Variants in KAZN observed in about 807,000 individuals in gnomAD.
KAZN encodes kazrin, periplakin interacting protein, also known as kazrin.
KAZN carries 40 observed loss-of-function variants against 87.4 expected under a neutral mutation model. The ratio of observed to expected loss-of-function variants is 0.46; its 90% confidence interval spans 0.36 to 0.60. The LOEUF (loss-of-function observed/expected upper bound fraction) is 0.60, where lower values mean the gene tolerates loss of function less well. Ranked by LOEUF, KAZN falls within the 20% of genes least tolerant of loss-of-function variation. KAZN has a pLI of 0.00. For synonymous variants in KAZN, 466 were observed against 458.3 expected (o/e 1.02, Z -0.22); for missense variants, 898 against 1,073.9 (o/e 0.84, Z 2.29).
chr1:14,236,870 G>A (rs1021369040), intron 2 of KAZN, among the ~76,000 whole-genome samples: 2 of 152,094 alleles, frequency 1.3e-5, no homozygotes, highest in Admixed American at 6.5e-5. Context: ...GCTTCCATGA[G>A]CCATGATCAC....
intron 2 of KAZN, among the ~76,000 whole-genome samples, chr1:14,444,830 C>A (rs1666891979): frequency 6.6e-6 from 1 of 152,128 alleles, no homozygotes; most frequent in Non-Finnish European, 1.5e-5. Context: ...ACCGCACTAG[C>A]CTCATATCTA....
chr1:15,094,920 G>C lies in KAZN; in HGVS notation c.1534G>C (p.Glu512Gln). Residue 512 changes from glutamate to glutamine, a missense_variant, in exon 10 of 15, where the codon GAG becomes CAG. Physicochemically the swap from Glu to Gln is conservative, Grantham distance 29. Around this residue, in one of 3 missense-constraint regions of KAZN, gnomAD observed 521 missense variants for 689.4 expected, o/e 0.76. Coordinates refer to ENST00000376030, the MANE Select transcript of KAZN (RefSeq NM_201628.3). The surrounding 1 kb of genome is among the most constrained non-coding windows in gnomAD (Gnocchi z 4.5). ...RLAIEDYRDA[E>Q]AGRSLSKAAE... ...GGCCATCGAGGACTACCGTGATGCC[G>C]AGGCAGGCCGCAGGTGAGCCCACCA... 6.5e-7 allele frequency: 1 copy of C among 1,549,604 alleles called. No homozygotes were observed. The highest frequency in any genetic ancestry group is 8.7e-7 in the Non-Finnish European group (1 of 1,146,064).
intron 2 of KAZN, among the ~76,000 whole-genome samples, chr1:14,266,792 G>A (rs1020457049): frequency 4.6e-5 from 7 of 152,192 alleles, no homozygotes; most frequent in Admixed American, 1.3e-4. Flanking sequence ...GGAAACCGGA[G>A]GATGTGGAGA....
intron 1 of KAZN, among the ~76,000 whole-genome samples, chr1:13,925,118 C>T (rs1487833829): frequency 1.3e-5 from 2 of 152,184 alleles, no homozygotes; most frequent in Non-Finnish European, 2.9e-5. Context: ...CACTCATCTG[C>T]TTTCTGTTTC....
Position 14,333,123 on chromosome 1 carries a change from G to A in KAZN, c.249+152531G>A, listed in dbSNP as rs560523588. Among the ~76,000 whole-genome samples the A allele has an allele frequency of 3.9e-5, 6 of 152,236 alleles. No homozygotes were observed. The South Asian group carries it at 1.2e-3, about 32-fold the overall frequency. Reference sequence around the variant, plus strand: ...CATTGTTCAGCTCCCACTTATAAGTGAGAACATACAGTGTTTGGTTTTCTG... The same window carrying A: ...CATTGTTCAGCTCCCACTTATAAGTAAGAACATACAGTGTTTGGTTTTCTG... On this transcript the variant is annotated intron_variant, in intron 2 of 16. Transcript: ENST00000636203.
At chr1:14,243,902 G>A (rs1236144710) in intron 2 of KAZN, among the ~76,000 whole-genome samples, 2 of 152,120 alleles carry the variant, frequency 1.3e-5, no homozygotes, top group Non-Finnish European at 2.9e-5. Context: ...GGCCAGCGTA[G>A]TTTACCCATC....
At chr1:14,228,696 T>C (rs894891317) in intron 2 of KAZN, among the ~76,000 whole-genome samples, 3 of 152,108 alleles carry the variant, frequency 2.0e-5, no homozygotes, top group African/African-American at 7.2e-5. Flanking sequence ...TTGGGAAGGG[T>C]GGAGAATAAA....
chr1:14,941,480 T>C (rs138055636), intron 1 of KAZN, among the ~76,000 whole-genome samples: 113 of 150,356 alleles, frequency 7.5e-4, no homozygotes, highest in Middle Eastern at 3.5e-3. Context: ...AGGTTGAATT[T>C]CTCTGCCTGG....
At chr1:13,994,709 A>G (rs1639430204) in intron 1 of KAZN, among the ~76,000 whole-genome samples, 1 of 152,206 alleles carries the variant, frequency 6.6e-6, no homozygotes, top group South Asian at 2.1e-4. Context: ...GGCAGTGTCC[A>G]GGGAAGGTTT....
At chr1:13,982,990 T>A (rs1638815425) in intron 1 of KAZN, among the ~76,000 whole-genome samples, 1 of 146,940 alleles carries the variant, frequency 6.8e-6, no homozygotes, top group Admixed American at 6.7e-5. Context: ...GATTGGTGGG[T>A]TTACAAACCT....
intron 2 of KAZN, among the ~76,000 whole-genome samples, chr1:14,377,900 C>A (rs1466969377): frequency 1.3e-5 from 2 of 152,166 alleles, no homozygotes; most frequent in East Asian, 3.9e-4. Context: ...CGTCTCTTCC[C>A]AAATGGAAAA....
intron 1 of KAZN, among the ~76,000 whole-genome samples, chr1:14,882,748 A>T (rs949418053): frequency 1.3e-5 from 2 of 152,066 alleles, no homozygotes. Flanking sequence ...TTAAAAGTTC[A>T]TTGGCATTTA....
At chr1:14,470,214 G>GAAAAACA (rs1668379969) in intron 2 of KAZN, among the ~76,000 whole-genome samples, 1 of 152,158 alleles carries the variant, frequency 6.6e-6, no homozygotes, top group African/African-American at 2.4e-5. Flanking sequence ...ATGAAAAACA[G>GAAAAACA]GAAATATAGA....
chr1:14,192,877 T>G (rs1156778144), intron 2 of KAZN, among the ~76,000 whole-genome samples: 1 of 152,184 alleles, frequency 6.6e-6, no homozygotes, highest in Admixed American at 6.5e-5. Context: ...ATTTGGACAT[T>G]GGGTCTTTAC....
At chr1:14,054,520 AT>A (rs1390517635) in intron 1 of KAZN, among the ~76,000 whole-genome samples, 1 of 152,218 alleles carries the variant, frequency 6.6e-6, no homozygotes, top group Non-Finnish European at 1.5e-5. Flanking sequence ...ATCTCAGTAA[AT>A]ATTTACTAAG....
chr1:15,099,483 C>T lies in KAZN; in HGVS notation c.1548-2060C>T, dbSNP rs528638711. ...AAATTCAGAGAAAAGGGAGATTTGA[C>T]GCCCAAGGGATGAGGAGGGGTGAGC... On this transcript the variant is annotated intron_variant, in intron 10 of 14. Transcript: ENST00000376030. The surrounding 1 kb of genome is among the most constrained non-coding windows in gnomAD (Gnocchi z 5.4). 3.2e-3 allele frequency among the ~76,000 whole-genome samples: 493 copies of T among 152,152 alleles called. 1 individual carries two copies. Among genetic ancestry groups the T allele is most frequent in the Non-Finnish European group, 5.4e-3 (369 of 67,998 alleles).
At chr1:14,327,481 G>A (rs894811551) in intron 2 of KAZN, among the ~76,000 whole-genome samples, 2 of 152,048 alleles carry the variant, frequency 1.3e-5, no homozygotes, top group South Asian at 2.1e-4. Context: ...TCTCTCCCTC[G>A]TCTGTTCTCC....
chr1:15,057,375 T>C (rs947799342), intron 5 of KAZN, among the ~76,000 whole-genome samples: 2 of 152,206 alleles, frequency 1.3e-5, no homozygotes, highest in South Asian at 4.1e-4. Flanking sequence ...GTCGTGAAGA[T>C]GAAATGTGTA....
chr1:14,697,938 G>A, intron 1 of KAZN, among the ~76,000 whole-genome samples: 1 of 152,142 alleles, frequency 6.6e-6, no homozygotes, highest in East Asian at 1.9e-4. Context: ...CCAGAGCATA[G>A]AGCCCTTGGA....
Sources: gnomAD v4.1 joint callset for allele counts (sites outside exome capture counted in the v4.1 genomes callset) on GRCh38, gnomAD v4.1.1 for gene constraint, gnomAD v4.1.1 regional missense constraint, Gnocchi (gnomAD v3.1) non-coding constraint, MANE v1.5 for transcripts, NCBI Gene and HGNC (gene_info 2026-07-23, HGNC 2026-07-21) for gene names.